Variants in RAB29 observed in about 807,000 individuals in gnomAD.
RAB29 encodes RAB29, member RAS oncogene family, also known as ras-related protein Rab-29.
In RAB29, 13 loss-of-function variants were observed where a neutral mutation model predicts 25.5. The ratio of observed to expected loss-of-function variants is 0.51; its 90% CI spans 0.33 to 0.81. The LOEUF (loss-of-function observed/expected upper bound fraction) is 0.81. Among genes scored for constraint, RAB29 ranks in the 30% least tolerant of loss-of-function variants. The pLI is 0.02. For synonymous variants in RAB29, 88 were observed against 95.0 expected (o/e 0.93, Z 0.43); for missense variants, 201 against 254.9 (o/e 0.79, Z 1.44).
chr1:205,772,501 A>G lies in RAB29; in HGVS notation c.191T>C (p.Ile64Thr). 1 of 1,613,740 alleles carries G rather than the reference A, an allele frequency of 6.2e-7. No individual in the cohort carries two copies. Among genetic ancestry groups the G allele is most frequent in the Non-Finnish European group, 8.5e-7 (1 of 1,179,810 alleles). The part of the protein sequence containing the change: ...YEIVRLQLWD[I>T]AGQERFTSMT... ...ATCTAGCCCTCCCACTTTACCTGCAATATCCCACAGCTGAAGCCGCACTAT... is the reference window on the plus strand; with the variant it reads ...ATCTAGCCCTCCCACTTTACCTGCAGTATCCCACAGCTGAAGCCGCACTAT... The change falls in exon 3 of 6, where the codon ATT (isoleucine) becomes ACT (threonine). Residue 64 changes from isoleucine (I) to threonine (T), a missense_variant. Coordinates refer to ENST00000367139, the MANE Select transcript of RAB29 (RefSeq NM_003929.3).
At position 205,774,898 on chromosome 1, in the gene RAB29, TTGCCC is replaced by T. The variant is rs754612932; in HGVS notation, c.54_58del (p.Gly19AspfsTer33). On this transcript the variant is annotated frameshift_variant, in exon 2 of 6. Coordinates refer to ENST00000367139, the MANE Select transcript of RAB29 (RefSeq NM_003929.3). LOFTEE classifies it high-confidence loss of function. ...GGAATATCGCTGCACCAGCGACGTC[TTGCCC>T]ACTGCGGCGTCCCCCACCACCAGCA... 2 of 1,610,904 alleles carry T rather than the reference TTGCCC, an allele frequency of 1.2e-6. No individual in the cohort carries two copies. The highest frequency in any genetic ancestry group is 1.7e-6 in the Non-Finnish European group (2 of 1,178,212).
In RAB29 at chr1:205,770,699, T is replaced by C. The variant is rs369372157; in HGVS notation, c.500+34A>G. ...CCACAGGGCCACAGTGGAAGATGGA[T>C]ACATCTGCATGCCTATCAGCATGAG... On this transcript the variant is annotated intron_variant, in intron 5 of 5. Transcript: ENST00000367139. 1.9e-6 allele frequency: 3 copies of C among 1,613,518 alleles called. No homozygotes were observed. In the African/African-American group the frequency reaches 4.0e-5, roughly 22 times the overall value.
intron 2 of RAB29, among the ~76,000 whole-genome samples, chr1:205,773,689 A>G (rs1655144425): frequency 1.3e-5 from 2 of 151,918 alleles, no homozygotes; most frequent in Non-Finnish European, 2.9e-5. Flanking sequence ...ATTTTTGTAG[A>G]GGTGGGGGTC....
rs376619312 is a variant in RAB29, at chr1:205,770,895, CT to C, written c.379-42del. On this transcript the variant is annotated intron_variant, in intron 4 of 5. Transcript: ENST00000367139. ...AATAAAAGGCAGTATCATAAACTTC[CT>C]GCAACTAAGAAAGAATATGGCTCAG... 1,257 of 1,610,824 alleles carry C rather than the reference CT, an allele frequency of 7.8e-4. 2 individuals carry two copies. The highest frequency in any genetic ancestry group is 6.3e-3 in the Middle Eastern group (38 of 6,056).
In RAB29 at chr1:205,770,812, G is replaced by C. The variant is rs149065893; in HGVS notation, c.421C>G (p.Arg141Gly). Residue 141 changes from arginine (R) to glycine (G), a missense_variant, in exon 5 of 6, where the codon CGG becomes GGG. By Grantham distance (125) the Arg-to-Gly change is moderately radical (BLOSUM62 -2). Coordinates refer to ENST00000367139, the MANE Select transcript of RAB29 (RefSeq NM_003929.3). ...PWAVSRDQID[R>G]FSKENGFTGW... is the part of the protein sequence containing the mutation. ...GTGAAACCGTTCTCTTTACTGAACC[G>C]GTCAATCTGGTCCCGGCTCACTGCC... is the stretch of plus-strand genomic sequence containing the variant. 6.7e-5 allele frequency: 108 copies of C among 1,613,908 alleles called. No individual in the cohort carries two copies. Among genetic ancestry groups the C allele is most frequent in the Non-Finnish European group, 8.9e-5 (105 of 1,179,996 alleles).
chr1:205,770,084 T>G lies in RAB29; in HGVS notation c.*258A>C. 1 of 507,446 alleles carries G rather than the reference T, an allele frequency of 2.0e-6. No individual in the cohort carries two copies. Among genetic ancestry groups the G allele is most frequent in the South Asian group, 2.5e-5 (1 of 40,708 alleles). 31.4% of individuals were successfully genotyped at this position (507,446 alleles called of 1,614,324 possible). On this transcript the variant is annotated 3_prime_UTR_variant, in exon 6 of 6. Coordinates refer to ENST00000367139, the MANE Select transcript of RAB29 (RefSeq NM_003929.3). ...TCTCATAAAATTCCGGATCACAAAT[T>G]GAGGGCTGATGAGAAGATCTTACAC...
At chr1:205,773,505 C>T (rs1471632103) in intron 2 of RAB29, among the ~76,000 whole-genome samples, 10 of 152,162 alleles carry the variant, frequency 6.6e-5, no homozygotes, top group Non-Finnish European at 1.3e-4. Context: ...TTAATTTTGC[C>T]AGACTTAAAT....
intron 4 of RAB29, chr1:205,771,116 A>G (rs1041490221): frequency 8.6e-6 from 4 of 467,020 alleles, no homozygotes; most frequent in Non-Finnish European, 1.5e-5. Context: ...GGCTAACACA[A>G]TGAAACCCAG....
At position 205,768,303 on chromosome 1, in the gene RAB29, A is replaced by C. The variant is rs553467362; in HGVS notation, c.*2039T>G. The C allele has an allele frequency of 2.0e-5, 3 of 152,280 alleles. No individual in the cohort carries two copies. In the South Asian group the frequency reaches 6.2e-4, roughly 32 times the overall value. 9.4% of individuals were successfully genotyped at this position (152,280 alleles called of 1,614,324 possible). A position where few individuals can be genotyped will look rare whatever the true frequency, so the allele number is the denominator to read the frequency against. Reference sequence around the variant, plus strand: ...TTTTCAACGTCTGTGTAGCAGAATCACCTGAAAAGCTAACAGAATATATAG... The same window carrying C: ...TTTTCAACGTCTGTGTAGCAGAATCCCCTGAAAAGCTAACAGAATATATAG... On this transcript the variant is annotated 3_prime_UTR_variant, in exon 6 of 6. Coordinates refer to ENST00000367139, the MANE Select transcript of RAB29 (RefSeq NM_003929.3).
At chr1:205,773,893 C>T (rs1486874670) in intron 2 of RAB29, among the ~76,000 whole-genome samples, 1 of 152,170 alleles carries the variant, frequency 6.6e-6, no homozygotes, top group Non-Finnish European at 1.5e-5. Flanking sequence ...CAGGAGCACA[C>T]ATTTTCAATT....
chr1:205,774,798 T>TGCCCCCC, intron 2 of RAB29, 35 bp downstream of exon 2: 5 of 658,514 alleles, frequency 7.6e-6, no homozygotes, highest in Non-Finnish European at 1.1e-5. Context: ...GGCCTCCTCC[T>TGCCCCCC]CCCCCTCCCC....
rs1158996628 is a variant in RAB29, at chr1:205,770,601, T to TCTCAGGAAAGC, written c.500+131_500+132insGCTTTCCTGAG. ...CCCAGTTATCTCAGGAAAGACAGTA[T>TCTCAGGAAAGC]CCCTGACCTTTAGGGGCTAGCATTC... On this transcript the variant is annotated intron_variant, in intron 5 of 5. Transcript: ENST00000367139. 9.1e-5 allele frequency: 134 copies of TCTCAGGAAAGC among 1,469,380 alleles called. 2 individuals are homozygous for TCTCAGGAAAGC. In the South Asian group the frequency reaches 1.5e-3, roughly 16 times the overall value. 91.0% of individuals were successfully genotyped at this position (1,469,380 alleles called of 1,614,324 possible).
Position 205,771,484 on chromosome 1 carries a change from G to A in RAB29, c.366C>T (p.Leu122=). 6.2e-7 allele frequency: 1 copy of A among 1,614,112 alleles called. No individual in the cohort carries two copies. The highest frequency in any genetic ancestry group is 8.5e-7 in the Non-Finnish European group (1 of 1,180,032). The change falls in exon 4 of 6, where the codon CTC becomes CTT. Residue 122 remains leucine (L), a synonymous_variant. Transcript: ENST00000367139. ...ATTGGCCACATACCTTGTTGGCCAA[G>A]AGCAGGCAGGGCACCGGCTCTCCAT... ...LPNGEPVPCL[L]LANKCDLSPW...
intron 4 of RAB29, 50 bp from the exon 5 acceptor site, chr1:205,770,904 A>C: frequency 6.2e-7 from 1 of 1,603,798 alleles, no homozygotes; most frequent in African/African-American, 1.3e-5. Context: ...CCTGCAACTA[A>C]GAAAGAATAT....
At chr1:205,774,796 C>CCAG in intron 2 of RAB29, 37 bp downstream of exon 2, 58 of 921,978 alleles carry the variant, frequency 6.3e-5, no homozygotes, top group Non-Finnish European at 9.1e-5. Context: ...GGGGCCTCCT[C>CCAG]CTCCCCCTCC....
rs1654949624 is a variant in RAB29 at position 205,770,765 on chromosome 1, G to C, written c.468C>G (p.Val156=). ...NGFTGWTETS[V]KENKNINEAM... ...CCTCATTAATATTTTTGTTCTCCTTGACTGATGTTTCTGTCCAACCTGTGA... is the reference window on the plus strand; with the variant it reads ...CCTCATTAATATTTTTGTTCTCCTTCACTGATGTTTCTGTCCAACCTGTGA... Residue 156 remains valine (V), a synonymous_variant, in exon 5 of 6, where the codon GTC becomes GTG. Transcript: ENST00000367139. 1 of 1,614,112 alleles carries C rather than the reference G, an allele frequency of 6.2e-7. No homozygotes were observed. The highest frequency in any genetic ancestry group is 1.6e-4 in the Middle Eastern group (1 of 6,062).
At chr1:205,774,795 T>TCCGC in intron 2 of RAB29, 38 bp downstream of exon 2, 13 of 860,518 alleles carry the variant, frequency 1.5e-5, no homozygotes, top group Non-Finnish European at 2.2e-5. Context: ...CGGGGCCTCC[T>TCCGC]CCTCCCCCTC....
chr1:205,774,996 G>A lies in RAB29; in HGVS notation c.-40C>T. On this transcript the variant is annotated 5_prime_UTR_variant, in exon 2 of 6. Transcript: ENST00000367139. Reference sequence around the variant, plus strand: ...GCGTTTTAGGGAGGCGGGAAGTGTGGTCGGGGATCGGGGGTCGCTCGTTTT... The same window carrying A: ...GCGTTTTAGGGAGGCGGGAAGTGTGATCGGGGATCGGGGGTCGCTCGTTTT... The A allele has an allele frequency of 5.0e-6, 8 of 1,610,858 alleles. No individual in the cohort carries two copies. The highest frequency in any genetic ancestry group is 5.9e-6 in the Non-Finnish European group (7 of 1,179,660).
At chr1:205,774,792 TCCTCCTCCCCCTCCC>T in intron 2 of RAB29, 26 bp downstream of exon 2, 1 of 1,287,996 alleles carries the variant, frequency 7.8e-7, no homozygotes, top group Non-Finnish European at 1.1e-6. Flanking sequence ...GGTCGGGGCC[TCCTCCTCCCCCTCCC>T]CCTCCCCACC....
Sources: allele counts gnomAD v4.1 joint callset (sites outside exome capture counted in the v4.1 genomes callset), GRCh38; gene constraint gnomAD v4.1.1; transcripts MANE v1.5; gene names NCBI Gene and HGNC (gene_info 2026-07-23, HGNC 2026-07-21).